The following NUAK2 variants were observed in gnomAD, a reference collection of about 807,000 sequenced individuals.
NUAK2 encodes NUAK family SNF1-like kinase 2.
In NUAK2, 20 loss-of-function variants were observed where a neutral mutation model predicts 29.8. The ratio of observed to expected loss-of-function variants is 0.67; its 90% confidence interval spans 0.47 to 0.98. The LOEUF is 0.98. Among genes scored for constraint, NUAK2 ranks in the 50% least tolerant of loss-of-function variants. NUAK2 has a pLI of 0.00. For synonymous variants in NUAK2, 331 were observed against 342.6 expected, an observed-to-expected ratio of 0.97 and a Z score of 0.37; for missense variants, 719 against 834.5, an observed-to-expected ratio of 0.86 and a Z score of 1.71.
intron 4 of NUAK2, among the ~76,000 whole-genome samples, chr1:205,307,335 C>T (rs556782164): frequency 1.1e-3 from 163 of 152,280 alleles, no homozygotes; most frequent in Non-Finnish European, 2.0e-3. Flanking sequence ...CATGCCTGTC[C>T]ATGTTTGTGC....
chr1:205,309,488 G>C (rs897954161), intron 2 of NUAK2, among the ~76,000 whole-genome samples: 1 of 152,100 alleles, frequency 6.6e-6, no homozygotes, highest in Non-Finnish European at 1.5e-5. Context: ...CACCATGCCA[G>C]GCTAATTTTT....
chr1:205,308,264 A>G lies in NUAK2; in HGVS notation c.505-34T>C, dbSNP rs1388881202. The G allele has an allele frequency of 6.6e-7, 1 of 1,519,324 alleles. No homozygotes were observed. The highest frequency in any genetic ancestry group is 2.0e-5 in the Admixed American group (1 of 50,912). 94.1% of individuals were successfully genotyped at this position (1,519,324 alleles called of 1,614,324 possible). A position where few individuals can be genotyped will look rare whatever the true frequency, so the allele number is the denominator to read the frequency against. ...AGGAGAGGGCAGTCACGGGAAGGTC[A>G]CCAGGGAAGGGAAGATGATGAGGGG... is the stretch of plus-strand genomic sequence containing the variant. On this transcript the variant is annotated intron_variant, in intron 3 of 6. Coordinates refer to ENST00000367157, the MANE Select transcript of NUAK2 (RefSeq NM_030952.3). The surrounding 1 kb of genome is among the most constrained non-coding windows in gnomAD (Gnocchi z 4.1).
chr1:205,309,484 G>A (rs2102648440), intron 2 of NUAK2, among the ~76,000 whole-genome samples: 1 of 152,196 alleles, frequency 6.6e-6, no homozygotes, highest in South Asian at 2.1e-4. Context: ...GCGCCACCAT[G>A]CCAGGCTAAT....
In NUAK2 at chr1:205,304,574, C is replaced by G; in HGVS notation, c.824-61G>C. On this transcript the variant is annotated intron_variant, in intron 6 of 6. Transcript: ENST00000367157. This position sits in a 1 kb window ranked among gnomAD's most constrained non-coding sequence, Gnocchi z 6.5. ...CTCCCAGAATAGGCACTCCCTGTCC[C>G]CTGTCCCCAGCTCATCCCCTTTTGA... 2 of 1,344,500 alleles carry G rather than the reference C, an allele frequency of 1.5e-6. No individual in the cohort carries two copies. The highest frequency in any genetic ancestry group is 2.5e-5 in the East Asian group (1 of 39,998). 83.3% of individuals were successfully genotyped at this position (1,344,500 alleles called of 1,614,324 possible). A position where few individuals can be genotyped will look rare whatever the true frequency, so the allele number is the denominator to read the frequency against.
chr1:205,318,248 TG>T, intron 1 of NUAK2, among the ~76,000 whole-genome samples: 1 of 152,158 alleles, frequency 6.6e-6, no homozygotes. Flanking sequence ...TATGTGAGGG[TG>T]GGGGTTGGTT....
intron 2 of NUAK2, among the ~76,000 whole-genome samples, chr1:205,310,616 C>T (rs1177369031): frequency 6.6e-6 from 1 of 152,114 alleles, no homozygotes; most frequent in African/African-American, 2.4e-5. Context: ...GACACACACA[C>T]ACCAATCACC....
intron 5 of NUAK2, 171 bp from the exon 6 acceptor site, chr1:205,305,502 G>A (rs1310500995): frequency 1.0e-5 from 10 of 985,334 alleles, no homozygotes; most frequent in Admixed American, 6.1e-5. Flanking sequence ...CATTTCCTGC[G>A]AGGGACAGCC....
intron 2 of NUAK2, among the ~76,000 whole-genome samples, chr1:205,310,050 A>G (rs752962931): frequency 6.6e-6 from 1 of 152,196 alleles, no homozygotes; most frequent in Non-Finnish European, 1.5e-5. Flanking sequence ...AACGGGTCCT[A>G]TGAGTTTGGC....
In NUAK2 at chr1:205,321,710, AC is replaced by A; in HGVS notation, c.-83del. 8.7e-7 allele frequency: 1 copy of A among 1,150,246 alleles called. No homozygotes were observed. The highest frequency in any genetic ancestry group is 1.2e-6 in the Non-Finnish European group (1 of 806,574). The allele number at this position is 1,150,246 out of a possible 1,614,324, so 71.3% of individuals were successfully genotyped here. A position where few individuals can be genotyped will look rare whatever the true frequency, so the allele number is the denominator to read the frequency against. ...CTGAAGCGCGGGGCACAGGTCCCGC[AC>A]CAGGACGGGGAGCCACAGCAGTACC... On this transcript the variant is annotated 5_prime_UTR_variant, in exon 1 of 7. Transcript: ENST00000367157.
chr1:205,304,371 G>C lies in NUAK2; in HGVS notation c.966C>G (p.His322Gln). 6.2e-7 allele frequency: 1 copy of C among 1,609,918 alleles called. No individual in the cohort carries two copies. The highest frequency in any genetic ancestry group is 8.5e-7 in the Non-Finnish European group (1 of 1,177,608). ...AGGCGCGGGCAGAGTCACTGCCAGGGTGCCCACCCTCATGCGGAGCCTCCT... is the reference window on the plus strand; with the variant it reads ...AGGCGCGGGCAGAGTCACTGCCAGGCTGCCCACCCTCATGCGGAGCCTCCT... ...GEQEAPHEGG[H>Q]PGSDSARASM... The change falls in exon 7 of 7, where the codon CAC becomes CAG. Residue 322 changes from histidine (H) to glutamine (Q), a missense_variant. Physicochemically the swap from His to Gln is conservative, Grantham distance 24 (BLOSUM62 0). This residue lies in a region of NUAK2 where 430 missense variants were observed against 465.7 expected (regional missense o/e 0.92). Coordinates refer to ENST00000367157, the MANE Select transcript of NUAK2 (RefSeq NM_030952.3). The surrounding 1 kb of genome is among the most constrained non-coding windows in gnomAD (Gnocchi z 6.5).
In NUAK2 at chr1:205,302,895, A is replaced by T. The variant is rs1281992670; in HGVS notation, c.*555T>A. On this transcript the variant is annotated 3_prime_UTR_variant, in exon 7 of 7. Coordinates refer to ENST00000367157, the MANE Select transcript of NUAK2 (RefSeq NM_030952.3). ...ACCAAGAGCGAAACTCCGTCTCAAAAAAATAAATAAATAAATAAAAATAAA... is the reference window on the plus strand; with the variant it reads ...ACCAAGAGCGAAACTCCGTCTCAAATAAATAAATAAATAAATAAAAATAAA... 1 of 152,240 alleles carries T rather than the reference A, an allele frequency of 6.6e-6. No individual in the cohort carries two copies. Among genetic ancestry groups the T allele is most frequent in the East Asian group, 1.9e-4 (1 of 5,194 alleles). The allele number at this position is 152,240 out of a possible 1,614,324, so 9.4% of individuals were successfully genotyped here.
chr1:205,311,621 C>T (rs560735614), intron 2 of NUAK2, 84 bp downstream of exon 2: 4 of 1,544,742 alleles, frequency 2.6e-6, no homozygotes, highest in African/African-American at 1.4e-5. Flanking sequence ...TATGTTGTTT[C>T]TTCTGACACA....
At chr1:205,311,623 T>C in intron 2 of NUAK2, 82 bp downstream of exon 2, 1 of 1,550,792 alleles carries the variant, frequency 6.4e-7, no homozygotes, top group Non-Finnish European at 8.8e-7. Flanking sequence ...TGTTGTTTCT[T>C]CTGACACATG....
At position 205,304,368 on chromosome 1, in the gene NUAK2, A is replaced by G; in HGVS notation, c.969T>C (p.Pro323=). 1 of 1,610,216 alleles carries G rather than the reference A, an allele frequency of 6.2e-7. No homozygotes were observed. The highest frequency in any genetic ancestry group is 8.5e-7 in the Non-Finnish European group (1 of 1,177,790). The change falls in exon 7 of 7, where the codon CCT becomes CCC. Residue 323 remains proline, a synonymous_variant. Coordinates refer to ENST00000367157, the MANE Select transcript of NUAK2 (RefSeq NM_030952.3). This position sits in a 1 kb window ranked among gnomAD's most constrained non-coding sequence, Gnocchi z 6.5. Reference sequence around the variant, plus strand: ...TGGAGGCGCGGGCAGAGTCACTGCCAGGGTGCCCACCCTCATGCGGAGCCT... The same window carrying G: ...TGGAGGCGCGGGCAGAGTCACTGCCGGGGTGCCCACCCTCATGCGGAGCCT... The part of the protein sequence containing the change: ...EQEAPHEGGH[P]GSDSARASMA...
intron 1 of NUAK2, among the ~76,000 whole-genome samples, chr1:205,313,302 C>T (rs1406939988): frequency 1.3e-5 from 2 of 151,510 alleles, no homozygotes; most frequent in Admixed American, 6.6e-5. Flanking sequence ...GAGAAACCTT[C>T]CTCCCCTGAC....
Position 205,303,481 on chromosome 1 carries a change from T to A in NUAK2, c.1856A>T (p.Gln619Leu), listed in dbSNP as rs781143703. Residue 619 changes from glutamine (Q) to leucine (L), a missense_variant, in exon 7 of 7, where the codon CAG (glutamine) becomes CTG (leucine). This residue lies in a region of NUAK2 where 430 missense variants were observed against 465.7 expected (regional missense o/e 0.92). Coordinates refer to ENST00000367157, the MANE Select transcript of NUAK2 (RefSeq NM_030952.3). ...DCQEVTATYR[Q>L]ALRVCSKLT is the part of the protein sequence containing the mutation. ...GAGCTTTGAGCAGACCCTCAGTGCC[T>A]GTCGGTAGGTCGCTGTCACCTCCTG... 77 of 1,603,516 alleles carry A rather than the reference T, an allele frequency of 4.8e-5. No individual in the cohort carries two copies. The highest frequency in any genetic ancestry group is 6.2e-5 in the Non-Finnish European group (73 of 1,174,878).
At chr1:205,317,857 G>A (rs1662352269) in intron 1 of NUAK2, among the ~76,000 whole-genome samples, 2 of 152,220 alleles carry the variant, frequency 1.3e-5, no homozygotes, top group African/African-American at 4.8e-5. Flanking sequence ...GCTTAGGGAA[G>A]CCAAGCACAA....
chr1:205,307,732 G>C (rs1414796460), intron 4 of NUAK2, among the ~76,000 whole-genome samples: 1 of 152,168 alleles, frequency 6.6e-6, no homozygotes, highest in Non-Finnish European at 1.5e-5. Context: ...GTTTCCAAAG[G>C]GCTATCTAAT....
rs948520434 is a variant in NUAK2, at chr1:205,303,213, G to A, written c.*237C>T. ...TGTGGACTCTGTCGCGGGCATTCCC[G>A]TTCCCCTCTCTTTAGTATCCTCTTC... is the stretch of plus-strand genomic sequence containing the variant. On this transcript the variant is annotated 3_prime_UTR_variant, in exon 7 of 7. Transcript: ENST00000367157. 2.1e-5 allele frequency: 8 copies of A among 380,370 alleles called. No individual in the cohort carries two copies. The East Asian group carries it at 2.5e-4, about 12-fold the overall frequency. 23.6% of individuals were successfully genotyped at this position (380,370 alleles called of 1,614,324 possible).
Sources: gnomAD v4.1 joint callset for allele counts (sites outside exome capture counted in the v4.1 genomes callset) on GRCh38, gnomAD v4.1.1 for gene constraint, gnomAD v4.1.1 regional missense constraint, Gnocchi (gnomAD v3.1) non-coding constraint, MANE v1.5 for transcripts, NCBI Gene and HGNC (gene_info 2026-07-23, HGNC 2026-07-21) for gene names.